PTPRO: variants seen among roughly 807,000 people sequenced by gnomAD.
The protein encoded by PTPRO is receptor-type tyrosine-protein phosphatase O.
PTPRO carries 62 observed loss-of-function variants against 145.2 expected under a neutral mutation model. That is an observed-to-expected ratio of 0.43 (90% CI 0.35 to 0.53). PTPRO has a LOEUF of 0.53. PTPRO is among the 20% of genes least tolerant of loss of function. The pLI, the probability that PTPRO is intolerant of heterozygous loss-of-function variation, is 0.01. For synonymous variants in PTPRO, 565 were observed against 514.7 expected (o/e 1.10, Z -1.32); for missense variants, 1,345 against 1,482.7 (o/e 0.91, Z 1.53).
intron 2 of PTPRO, among the ~76,000 whole-genome samples, chr12:15,487,475 T>A (rs531397183): frequency 2.6e-5 from 4 of 152,318 alleles, no homozygotes; most frequent in Non-Finnish European, 5.9e-5. Context: ...CCACAATACA[T>A]TAAGGCTTCT....
chr12:15,513,150 A>G (rs866451700), intron 7 of PTPRO, among the ~76,000 whole-genome samples: 414 of 38,722 alleles, frequency 0.011, 31 homozygotes, highest in Non-Finnish European at 0.017. Context: ...GAAGAAAGAA[A>G]GAAAGAAAAA....
intron 18 of PTPRO, 81 bp downstream of exon 18, chr12:15,565,709 A>G (rs1943881515): frequency 1.9e-6 from 2 of 1,053,704 alleles, no homozygotes; most frequent in Non-Finnish European, 1.5e-6. Context: ...GCTTGTCTTC[A>G]AAGAGAAGGG....
In PTPRO at chr12:15,360,875, TAC is replaced by T. The variant is rs1170471530; in HGVS notation, c.75+38080_75+38081del. Among the ~76,000 whole-genome samples the T allele has an allele frequency of 2.3e-5, 3 of 130,570 alleles. 1 individual carries two copies. The highest frequency in any genetic ancestry group is 8.5e-5 in the African/African-American group (3 of 35,492). The allele number at this position is 130,570 out of a possible 152,430, so 85.7% of individuals were successfully genotyped here. ...ATGTGTGTGTATATATGTGTGTATA[TAC>T]ACACATACACATGTGTATATACACA... On this transcript the variant is annotated intron_variant, in intron 1 of 26. Transcript: ENST00000281171.
At chr12:15,460,319 C>A (rs547262784) in intron 1 of PTPRO, among the ~76,000 whole-genome samples, 2 of 152,238 alleles carry the variant, frequency 1.3e-5, no homozygotes, top group South Asian at 4.1e-4. Context: ...AGGCCGTATC[C>A]CAGACCTCCT....
intron 1 of PTPRO, among the ~76,000 whole-genome samples, chr12:15,364,406 G>T (rs1456962872): frequency 6.6e-6 from 1 of 152,088 alleles, no homozygotes; most frequent in Non-Finnish European, 1.5e-5. Context: ...ACTGTCAGGT[G>T]GGTTTTCTGG....
At chr12:15,414,970 C>T (rs906140170) in intron 1 of PTPRO, among the ~76,000 whole-genome samples, 9 of 152,058 alleles carry the variant, frequency 5.9e-5, no homozygotes, top group Non-Finnish European at 7.4e-5. Context: ...AGAACAATAC[C>T]GTCTATGAAC....
At chr12:15,385,811 CA>C (rs761750012) in intron 1 of PTPRO, among the ~76,000 whole-genome samples, 1,624 of 37,116 alleles carry the variant, frequency 0.044, 3 homozygotes, top group South Asian at 0.063. Flanking sequence ...GACTCCATCT[CA>C]AAAAAAAAAA....
chr12:15,563,047 G>A (rs1431309369), intron 17 of PTPRO, among the ~76,000 whole-genome samples: 1 of 151,978 alleles, frequency 6.6e-6, no homozygotes, highest in Non-Finnish European at 1.5e-5. Flanking sequence ...CCTTGCTATT[G>A]CTTTTTCGGA....
At chr12:15,563,732 A>G (rs894629942) in intron 17 of PTPRO, among the ~76,000 whole-genome samples, 2 of 152,162 alleles carry the variant, frequency 1.3e-5, no homozygotes, top group Non-Finnish European at 2.9e-5. Context: ...TTAATATTTC[A>G]GCACTGAATT....
At chr12:15,404,145 C>T (rs897656941) in intron 1 of PTPRO, among the ~76,000 whole-genome samples, 5 of 142,990 alleles carry the variant, frequency 3.5e-5, no homozygotes, top group Non-Finnish European at 6.0e-5. Flanking sequence ...GCCGAGATCT[C>T]GCCACTGCAC....
intron 8 of PTPRO, among the ~76,000 whole-genome samples, chr12:15,516,042 A>G (rs1263144457): frequency 3.6e-5 from 5 of 139,152 alleles, no homozygotes; most frequent in Non-Finnish European, 7.6e-5. Flanking sequence ...CCAGGTTGGA[A>G]TGCAGTGGTG....
At position 15,322,755 on chromosome 12, in the gene PTPRO, G is replaced by A. The variant is rs761023590; in HGVS notation, c.29G>A (p.Gly10Asp). Residue 10 changes from glycine to aspartate, a missense_variant, in exon 1 of 27, where the codon GGC (glycine) becomes GAC (aspartate). By Grantham distance (94) the Gly-to-Asp change is moderately conservative. Around this residue, in one of 3 missense-constraint regions of PTPRO, gnomAD observed 1,130 missense variants for 1,214.7 expected, o/e 0.93. Transcript: ENST00000281171. The surrounding 1 kb of genome is among the most constrained non-coding windows in gnomAD (Gnocchi z 6.3). ...GGGCACCTGCCCACGGGGATACACG[G>A]CGCCCGCCGCCTCCTGCCTCTGCTC... MGHLPTGIH[G>D]ARRLLPLLWL... 1.2e-6 allele frequency: 2 copies of A among 1,611,932 alleles called. No homozygotes were observed. Among genetic ancestry groups the A allele is most frequent in the East Asian group, 4.5e-5 (2 of 44,820 alleles).
At chr12:15,564,558 C>T (rs1680784870) in intron 17 of PTPRO, among the ~76,000 whole-genome samples, 1 of 152,194 alleles carries the variant, frequency 6.6e-6, no homozygotes, top group Non-Finnish European at 1.5e-5. Flanking sequence ...TTGCAAAGTG[C>T]TGTGAAAGCA....
At chr12:15,595,100 T>A (rs193243500) in intron 26 of PTPRO, 43 bp downstream of exon 26, 778 of 1,268,412 alleles carry the variant, frequency 6.1e-4, no homozygotes, top group Non-Finnish European at 7.4e-4. Context: ...GTCTTAGAAC[T>A]ATTAGAGGGG....
intron 22 of PTPRO, among the ~76,000 whole-genome samples, chr12:15,581,079 T>C (rs1168718317): frequency 6.6e-6 from 1 of 152,168 alleles, no homozygotes; most frequent in Non-Finnish European, 1.5e-5. Context: ...TTGCATATTG[T>C]TTTGCAGGAA....
intron 1 of PTPRO, among the ~76,000 whole-genome samples, chr12:15,434,773 A>C (rs1006880303): frequency 3.3e-5 from 5 of 152,184 alleles, no homozygotes; most frequent in African/African-American, 1.2e-4. Flanking sequence ...AATGTGTGCA[A>C]AGATTTAGCT....
chr12:15,433,465 C>G (rs575899034), intron 1 of PTPRO, among the ~76,000 whole-genome samples: 46 of 152,252 alleles, frequency 3.0e-4, no homozygotes, highest in Non-Finnish European at 5.1e-4. Context: ...TTACAGGCGA[C>G]AGCCACCATG....
At chr12:15,491,275 A>C (rs1941994386) in intron 2 of PTPRO, among the ~76,000 whole-genome samples, 1 of 152,242 alleles carries the variant, frequency 6.6e-6, no homozygotes, top group Non-Finnish European at 1.5e-5. Context: ...AGGTTACTGA[A>C]CATGAACACA....
chr12:15,390,265 A>G (rs1272680709), intron 1 of PTPRO, among the ~76,000 whole-genome samples: 1 of 152,144 alleles, frequency 6.6e-6, no homozygotes, highest in African/African-American at 2.4e-5. Context: ...CCCATGGTGT[A>G]TTAGTCTGTT....
Sources: gnomAD v4.1 joint callset for allele counts (sites outside exome capture counted in the v4.1 genomes callset) on GRCh38, gnomAD v4.1.1 for gene constraint, gnomAD v4.1.1 regional missense constraint, Gnocchi (gnomAD v3.1) non-coding constraint, MANE v1.5 for transcripts, NCBI Gene and HGNC (gene_info 2026-07-23, HGNC 2026-07-21) for gene names.